The following ST8SIA4 variants were observed in gnomAD, a reference collection of about 807,000 sequenced individuals.
ST8SIA4 encodes CMP-N-acetylneuraminate-poly-alpha-2,8-sialyltransferase.
ST8SIA4 carries 15 observed loss-of-function variants against 33.9 expected under a neutral mutation model. That is an observed-to-expected ratio of 0.44 (90% confidence interval 0.30 to 0.68). ST8SIA4 has a LOEUF of 0.68. ST8SIA4 is among the 30% of genes least tolerant of loss of function. ST8SIA4 has a pLI of 0.10. For synonymous variants in ST8SIA4, 171 were observed against 151.2 expected (o/e 1.13, Z -0.96); for missense variants, 321 against 428.0 (o/e 0.75, Z 2.21).
chr5:100,829,095 T>C (rs1030167607), intron 4 of ST8SIA4, among the ~76,000 whole-genome samples: 2 of 152,250 alleles, frequency 1.3e-5, no homozygotes, highest in Non-Finnish European at 2.9e-5. Context: ...GCGAATATTC[T>C]GCGCATAGGA....
chr5:100,816,281 A>T (rs1457220365), intron 4 of ST8SIA4, among the ~76,000 whole-genome samples: 1 of 152,216 alleles, frequency 6.6e-6, no homozygotes, highest in Non-Finnish European at 1.5e-5. Context: ...GTAATATTTT[A>T]GATTTTATCT....
rs73159982 is a variant in ST8SIA4, at chr5:100,858,154, T to C, written c.504-1758A>G. ...TCCTAAGATGTGCTCTACACAAATA[T>C]TAAAAGTAATCTAAACTCCTAATGA... is the stretch of plus-strand genomic sequence containing the variant. On this transcript the variant is annotated intron_variant, in intron 3 of 4. Coordinates refer to ENST00000231461, the MANE Select transcript of ST8SIA4 (RefSeq NM_005668.6). 7.2e-3 allele frequency among the ~76,000 whole-genome samples: 1,101 copies of C among 152,144 alleles called. 12 individuals are homozygous for C. Among genetic ancestry groups the C allele is most frequent in the African/African-American group, 0.025 (1,020 of 41,548 alleles).
Position 100,870,351 on chromosome 5 carries a change from A to T in ST8SIA4, c.504-13955T>A, listed in dbSNP as rs1404141784. Among the ~76,000 whole-genome samples the T allele has an allele frequency of 3.9e-5, 6 of 152,252 alleles. No homozygotes were observed. In the South Asian group the frequency reaches 1.0e-3, roughly 26 times the overall value. On this transcript the variant is annotated intron_variant, in intron 3 of 4. Coordinates refer to ENST00000231461, the MANE Select transcript of ST8SIA4 (RefSeq NM_005668.6). ...GTGCTTACTGGTCCCATTGCTTCAG[A>T]TTCCTCTTCGTCACATGTTGAATAA...
At chr5:100,878,813 ATGTAGATACTTTCTAAAG>A (rs1359197675) in intron 3 of ST8SIA4, among the ~76,000 whole-genome samples, 1 of 152,194 alleles carries the variant, frequency 6.6e-6, no homozygotes, top group African/African-American at 2.4e-5. Context: ...TGTTTCTAAA[ATGTAGATACTTTCTAAAG>A]TGTTCATTAG....
intron 3 of ST8SIA4, among the ~76,000 whole-genome samples, chr5:100,873,664 G>C (rs1001329617): frequency 6.6e-6 from 1 of 152,102 alleles, no homozygotes; most frequent in African/African-American, 2.4e-5. Flanking sequence ...CAGTACTTAA[G>C]TGCTGCTTGA....
intron 3 of ST8SIA4, among the ~76,000 whole-genome samples, chr5:100,871,163 TA>T (rs775495145): frequency 2.0e-4 from 31 of 152,046 alleles, no homozygotes; most frequent in African/African-American, 4.6e-4. Context: ...AAAAATAAGA[TA>T]TTTTTTTTCT....
At chr5:100,864,007 C>T (rs1752006516) in intron 3 of ST8SIA4, among the ~76,000 whole-genome samples, 1 of 152,164 alleles carries the variant, frequency 6.6e-6, no homozygotes, top group Non-Finnish European at 1.5e-5. Context: ...TCACATTTAT[C>T]AGCTTTCTCC....
intron 4 of ST8SIA4, among the ~76,000 whole-genome samples, chr5:100,826,480 C>A (rs965026100): frequency 1.4e-5 from 2 of 148,048 alleles, no homozygotes; most frequent in South Asian, 2.1e-4. Flanking sequence ...TACTTGGGGC[C>A]AAAAAAAAAT....
chr5:100,900,063 T>G (rs1737257245), intron 1 of ST8SIA4, among the ~76,000 whole-genome samples: 1 of 152,338 alleles, frequency 6.6e-6, no homozygotes, highest in East Asian at 1.9e-4. Context: ...TATTTTTCCA[T>G]CTGCGTGGTA....
intron 2 of ST8SIA4, among the ~76,000 whole-genome samples, chr5:100,893,329 T>C (rs1752713074): frequency 6.6e-6 from 1 of 152,200 alleles, no homozygotes; most frequent in African/African-American, 2.4e-5. Context: ...CTTTGCACAT[T>C]GTACAATAAT....
chr5:100,892,536 A>T (rs1031454603), intron 2 of ST8SIA4, among the ~76,000 whole-genome samples: 1 of 152,146 alleles, frequency 6.6e-6, no homozygotes, highest in Admixed American at 6.6e-5. Flanking sequence ...TGAAAATAAA[A>T]TAAGGCATAT....
At chr5:100,870,999 A>G (rs1752187179) in intron 3 of ST8SIA4, among the ~76,000 whole-genome samples, 1 of 152,154 alleles carries the variant, frequency 6.6e-6, no homozygotes, top group Admixed American at 6.6e-5. Flanking sequence ...TATTCGTTTT[A>G]GTAGTAATTT....
intron 4 of ST8SIA4, chr5:100,816,600 T>C (rs1580446590): frequency 2.0e-6 from 1 of 503,226 alleles, no homozygotes; most frequent in Non-Finnish European, 4.0e-6. Flanking sequence ...GTTATTCTTC[T>C]TCCAAAAATC....
intron 3 of ST8SIA4, among the ~76,000 whole-genome samples, chr5:100,860,374 T>G (rs1400351320): frequency 6.6e-6 from 1 of 152,204 alleles, no homozygotes; most frequent in Non-Finnish European, 1.5e-5. Flanking sequence ...TTCTCTTTTC[T>G]GCCCCTAAAG....
chr5:100,847,659 C>T (rs890512588), intron 4 of ST8SIA4, among the ~76,000 whole-genome samples: 1 of 151,970 alleles, frequency 6.6e-6, no homozygotes, highest in African/African-American at 2.4e-5. Context: ...AATATTCTAC[C>T]AAAGCAACTA....
intron 2 of ST8SIA4, among the ~76,000 whole-genome samples, chr5:100,892,084 G>T (rs1244917262): frequency 6.6e-6 from 1 of 151,988 alleles, no homozygotes; most frequent in African/African-American, 2.4e-5. Context: ...ATGTGATAAA[G>T]CTATCCTGAT....
At chr5:100,819,610 G>A (rs1306358724) in intron 4 of ST8SIA4, among the ~76,000 whole-genome samples, 5 of 152,186 alleles carry the variant, frequency 3.3e-5, no homozygotes, top group Non-Finnish European at 5.9e-5. Flanking sequence ...TTCTTCAGAC[G>A]CAGAAGAGAC....
rs3832328 is a variant in ST8SIA4 at position 100,856,401 on chromosome 5, AG to A, written c.504-6del. 5.4e-5 allele frequency: 86 copies of A among 1,601,008 alleles called. No homozygotes were observed. The East Asian group carries it at 1.9e-3, about 36-fold the overall frequency. On this transcript the variant is annotated splice_region_variant and splice_polypyrimidine_tract_variant and intron_variant, in intron 3 of 4. Coordinates refer to ENST00000231461, the MANE Select transcript of ST8SIA4 (RefSeq NM_005668.6). ...ACCACAGGAGCTAGATTACACCTGA[AG>A]AGGAAAAAATTAATGGGACAAATGA...
At chr5:100,898,343 T>C (rs919276204) in intron 1 of ST8SIA4, among the ~76,000 whole-genome samples, 1 of 152,210 alleles carries the variant, frequency 6.6e-6, no homozygotes, top group Non-Finnish European at 1.5e-5. Context: ...ATTGCTTCAT[T>C]GACCTAGAAA....
Sources: allele counts gnomAD v4.1 joint callset (sites outside exome capture counted in the v4.1 genomes callset), GRCh38; gene constraint gnomAD v4.1.1; transcripts MANE v1.5; gene names NCBI Gene and HGNC (gene_info 2026-07-23, HGNC 2026-07-21).